Variants in SPON1 observed in about 807,000 individuals in gnomAD.
The protein encoded by SPON1 is spondin 1.
A neutral mutation model predicts 111.7 loss-of-function variants in SPON1; 52 were observed. That is an observed-to-expected ratio of 0.47 (90% CI 0.37 to 0.59). The LOEUF is 0.59. Among genes scored for constraint, SPON1 ranks in the 20% least tolerant of loss-of-function variants. The pLI is 0.00. For missense variants in SPON1, 957 were observed against 1,068.5 expected, an observed-to-expected ratio of 0.90 and a Z score of 1.46; for synonymous variants, 410 against 395.8, an observed-to-expected ratio of 1.04 and a Z score of -0.43.
At chr11:14,203,950 G>A (rs1471696340) in intron 6 of SPON1, among the ~76,000 whole-genome samples, 19 of 152,196 alleles carry the variant, frequency 1.2e-4, no homozygotes, top group African/African-American at 4.3e-4. Flanking sequence ...GGAGAGCAGG[G>A]AAGTCCAAAA....
At chr11:14,053,889 C>T (rs1848725679) in intron 3 of SPON1, among the ~76,000 whole-genome samples, 1 of 152,162 alleles carries the variant, frequency 6.6e-6, no homozygotes, top group South Asian at 2.1e-4. Context: ...TTTGTTCCTT[C>T]ATCTGGAAGA....
At chr11:14,154,812 T>C (rs1591391192) in intron 6 of SPON1, among the ~76,000 whole-genome samples, 1 of 152,334 alleles carries the variant, frequency 6.6e-6, no homozygotes, top group East Asian at 1.9e-4. Flanking sequence ...CATTTCTTTG[T>C]TTATGCAGGT....
intron 6 of SPON1, among the ~76,000 whole-genome samples, chr11:14,178,285 G>C (rs1214433014): frequency 6.6e-6 from 1 of 152,126 alleles, no homozygotes; most frequent in Non-Finnish European, 1.5e-5. Context: ...AGCCAGGCAT[G>C]GTGGCGGGCG....
intron 2 of SPON1, among the ~76,000 whole-genome samples, chr11:14,023,603 G>A (rs1328938466): frequency 6.6e-6 from 1 of 152,194 alleles, no homozygotes; most frequent in Non-Finnish European, 1.5e-5. Context: ...TGGGCTGACT[G>A]GGAGATGGAG....
chr11:14,160,719 TTATATATTTATATATATTTAATTTA>T lies in SPON1; in HGVS notation c.825+25172_825+25196del, dbSNP rs1847920689. 3.6e-4 allele frequency among the ~76,000 whole-genome samples: 4 copies of T among 11,034 alleles called. 1 individual carries two copies. The highest frequency in any genetic ancestry group is 5.9e-4 in the African/African-American group (1 of 1,708). The allele number at this position is 11,034 out of a possible 152,430, so 7.2% of individuals were successfully genotyped here. The stretch of plus-strand genomic sequence containing the variant: ...TATATTTATATATATTTATATATAT[TTATATATTTATATATATTTAATTTA>T]TATATATTTATATATATTTATATAT... On this transcript the variant is annotated intron_variant, in intron 6 of 15. Transcript: ENST00000576479.
At chr11:14,233,720 G>A (rs1554938969) in intron 6 of SPON1, among the ~76,000 whole-genome samples, 1 of 151,288 alleles carries the variant, frequency 6.6e-6, no homozygotes, top group African/African-American at 2.4e-5. Context: ...GTGGGGATGG[G>A]AATCATGGTT....
intron 13 of SPON1, among the ~76,000 whole-genome samples, chr11:14,260,367 G>T (rs1163036866): frequency 6.6e-6 from 1 of 152,034 alleles, no homozygotes; most frequent in South Asian, 2.1e-4. Flanking sequence ...ATAACCATCG[G>T]GGGGGGTCAG....
In SPON1 at chr11:14,228,079, T is replaced by C. The variant is rs1848759776; in HGVS notation, c.826-15253T>C. On this transcript the variant is annotated intron_variant, in intron 6 of 15. Transcript: ENST00000576479. The surrounding 1 kb of genome is among the most constrained non-coding windows in gnomAD (Gnocchi z 4.2). Reference sequence around the variant, plus strand: ...ACACTTTAAATGCTAATTAAGAACATTGCTTTAATGTGATGGGTGATGCTG... The same window carrying C: ...ACACTTTAAATGCTAATTAAGAACACTGCTTTAATGTGATGGGTGATGCTG... Among the ~76,000 whole-genome samples the C allele has an allele frequency of 6.6e-6, 1 of 152,188 alleles. No individual in the cohort carries two copies. The highest frequency in any genetic ancestry group is 2.4e-5 in the African/African-American group (1 of 41,446).
intron 3 of SPON1, among the ~76,000 whole-genome samples, chr11:14,048,237 C>T (rs1257318187): frequency 2.5e-5 from 3 of 121,782 alleles, no homozygotes; most frequent in African/African-American, 8.0e-5. Flanking sequence ...GAAACCTCAT[C>T]TCAAAACAAA....
intron 6 of SPON1, among the ~76,000 whole-genome samples, chr11:14,194,262 G>A (rs990931425): frequency 3.3e-5 from 5 of 152,154 alleles, no homozygotes; most frequent in African/African-American, 1.2e-4. Context: ...AAAAGCTCTA[G>A]ATTCCTCTTC....
At chr11:14,237,546 C>G (rs1848881791) in intron 6 of SPON1, among the ~76,000 whole-genome samples, 3 of 152,248 alleles carry the variant, frequency 2.0e-5, no homozygotes, top group Admixed American at 2.0e-4. Context: ...CTCCTCTGAG[C>G]CACAGCTTCC....
At chr11:14,075,294 C>T (rs1459414392) in intron 3 of SPON1, 51 bp from the exon 4 acceptor site, 16 of 1,436,516 alleles carry the variant, frequency 1.1e-5, no homozygotes, top group African/African-American at 7.1e-5. Context: ...ATCTCCCAAA[C>T]CTGCCTTCCT....
chr11:14,156,039 G>A lies in SPON1; in HGVS notation c.825+20471G>A, dbSNP rs1447113598. Among the ~76,000 whole-genome samples the A allele has an allele frequency of 4.9e-5, 6 of 122,222 alleles. 2 individuals are homozygous for A. Among genetic ancestry groups the A allele is most frequent in the Non-Finnish European group, 1.1e-4 (6 of 54,744 alleles). 80.2% of individuals were successfully genotyped at this position (122,222 alleles called of 152,430 possible). On this transcript the variant is annotated intron_variant, in intron 6 of 15. Coordinates refer to ENST00000576479, the MANE Select transcript of SPON1 (RefSeq NM_006108.4). Reference sequence around the variant, plus strand: ...CAGTAATGGGATGGCTAGGCCAAATGGTATTTCTAGATCCCTGAGGAATCA... The same window carrying A: ...CAGTAATGGGATGGCTAGGCCAAATAGTATTTCTAGATCCCTGAGGAATCA...
intron 2 of SPON1, among the ~76,000 whole-genome samples, chr11:14,034,499 A>T (rs1848580309): frequency 6.6e-6 from 1 of 152,248 alleles, no homozygotes; most frequent in African/African-American, 2.4e-5. Context: ...TGTTTGGAGG[A>T]TTCTCTGGAT....
At chr11:14,206,154 T>G (rs1848514877) in intron 6 of SPON1, among the ~76,000 whole-genome samples, 1 of 152,192 alleles carries the variant, frequency 6.6e-6, no homozygotes, top group Admixed American at 6.5e-5. Flanking sequence ...GTATCATAAA[T>G]ATTTTTCCAG....
chr11:14,048,115 T>C (rs1554918010), intron 3 of SPON1, among the ~76,000 whole-genome samples: 1 of 152,158 alleles, frequency 6.6e-6, no homozygotes, highest in African/African-American at 2.4e-5. Context: ...GGTGCATGCC[T>C]GTAATCCCAG....
intron 2 of SPON1, among the ~76,000 whole-genome samples, chr11:14,031,160 T>A (rs1156346293): frequency 6.6e-6 from 1 of 152,138 alleles, no homozygotes; most frequent in East Asian, 1.9e-4. Flanking sequence ...TGGATTCATA[T>A]GGACATAAAG....
intron 6 of SPON1, among the ~76,000 whole-genome samples, chr11:14,223,149 G>A (rs1442771252): frequency 6.6e-6 from 1 of 152,204 alleles, no homozygotes; most frequent in Non-Finnish European, 1.5e-5. Flanking sequence ...TGGATCACTT[G>A]AGGTTAGGAG....
chr11:14,075,532 T>C, intron 4 of SPON1, 114 bp downstream of exon 4: 1 of 728,144 alleles, frequency 1.4e-6, no homozygotes, highest in Non-Finnish European at 2.3e-6. Flanking sequence ...TTCCTCTGGG[T>C]TCTGCTTCCT....
Sources: allele counts gnomAD v4.1 joint callset (sites outside exome capture counted in the v4.1 genomes callset), GRCh38; gene constraint gnomAD v4.1.1; non-coding constraint Gnocchi (gnomAD v3.1); transcripts MANE v1.5; gene names NCBI Gene and HGNC (gene_info 2026-07-23, HGNC 2026-07-21).